Variants in SDK1 observed in about 807,000 individuals in gnomAD.
SDK1 encodes protein sidekick-1.
A neutral mutation model predicts 245.5 loss-of-function variants in SDK1; 157 were observed. The observed-to-expected ratio is 0.64, with a 90% CI of 0.56 to 0.73. SDK1 has a LOEUF of 0.73. Among genes scored for constraint, SDK1 ranks in the 30% least tolerant of loss-of-function variants. The probability of loss-of-function intolerance (pLI) is 0.00; values close to 1 mark genes in which losing one functional copy is unlikely to be tolerated. For missense variants in SDK1, 3,583 were observed against 3,002.3 expected (o/e 1.19, Z -4.52); for synonymous variants, 1,647 against 1,278.5 (o/e 1.29, Z -6.15).
intron 4 of SDK1, among the ~76,000 whole-genome samples, chr7:3,815,349 T>C (rs1250200562): frequency 8.3e-6 from 1 of 121,178 alleles, no homozygotes; most frequent in Non-Finnish European, 1.7e-5. Flanking sequence ...GTCAAAGGCT[T>C]TTTCTGCATC....
At chr7:3,405,207 G>A (rs1206801700) in intron 1 of SDK1, among the ~76,000 whole-genome samples, 1 of 152,064 alleles carries the variant, frequency 6.6e-6, no homozygotes, top group South Asian at 2.1e-4. Flanking sequence ...CTTAATCTTG[G>A]AATGCTTTTC....
At chr7:3,320,045 T>C (rs1389877755) in intron 1 of SDK1, among the ~76,000 whole-genome samples, 1 of 151,934 alleles carries the variant, frequency 6.6e-6, no homozygotes, top group Non-Finnish European at 1.5e-5. Context: ...AGAATCACAA[T>C]TCTTCTACAC....
Position 3,613,521 on chromosome 7 carries a change from A to T in SDK1, c.299-5559A>T, listed in dbSNP as rs1174967241. On this transcript the variant is annotated intron_variant, in intron 1 of 44. Coordinates refer to ENST00000404826, the MANE Select transcript of SDK1 (RefSeq NM_152744.4). ...TAACTGGTAGCTTATTTTGGTTTTG[A>T]TTTGCATTTCTCTAATGGTGGGAGT... Among the ~76,000 whole-genome samples, 8 of 152,006 alleles carry T rather than the reference A, an allele frequency of 5.3e-5. No individual in the cohort carries two copies. In the South Asian group the frequency reaches 1.7e-3, roughly 32 times the overall value.
intron 1 of SDK1, among the ~76,000 whole-genome samples, chr7:3,499,291 A>T (rs186691052): frequency 1.1e-3 from 172 of 152,346 alleles, no homozygotes; most frequent in Non-Finnish European, 2.1e-3. Context: ...ATGCCTTCTC[A>T]GGCACTAACT....
rs529627020 is a variant in SDK1, at chr7:4,079,511, G to C, written c.3251G>C (p.Arg1084Pro). 3 of 1,614,156 alleles carry C rather than the reference G, an allele frequency of 1.9e-6. No homozygotes were observed. Among genetic ancestry groups the C allele is most frequent in the Non-Finnish European group, 2.5e-6 (3 of 1,180,038 alleles). Residue 1084 changes from arginine (R) to proline (P), a missense_variant, in exon 22 of 45, where the codon CGC (arginine) becomes CCC (proline). Physicochemically the swap from Arg to Pro is moderately radical, Grantham distance 103. Transcript: ENST00000404826. ...CTGGTCATTTCCAACATCAGCCCTCGCTCCGCCACCCTTCAGTTCCGGCCA... is the reference window on the plus strand; with the variant it reads ...CTGGTCATTTCCAACATCAGCCCTCCCTCCGCCACCCTTCAGTTCCGGCCA... ...SNLVISNISP[R>P]SATLQFRPGY...
intron 43 of SDK1, among the ~76,000 whole-genome samples, chr7:4,242,920 C>G (rs868358699): frequency 3.9e-4 from 59 of 152,354 alleles, no homozygotes; most frequent in African/African-American, 1.3e-3. Flanking sequence ...CACTGACGCT[C>G]TGCCAGCCCC....
At position 4,161,767 on chromosome 7, in the gene SDK1, C is replaced by G; in HGVS notation, c.4730-19C>G. ...TAACAACCACCCTGACCCCCGCTTT[C>G]CTCTCCTGTGTGTTTCAGTTCCAGG... On this transcript the variant is annotated intron_variant, in intron 31 of 44. Transcript: ENST00000404826. The G allele has an allele frequency of 6.2e-7, 1 of 1,609,810 alleles. No homozygotes were observed. Among genetic ancestry groups the G allele is most frequent in the Non-Finnish European group, 8.5e-7 (1 of 1,176,422 alleles).
At chr7:4,179,316 T>A (rs2128219269) in intron 35 of SDK1, 1 of 152,232 alleles carries the variant, frequency 6.6e-6, no homozygotes, top group African/African-American at 2.4e-5. Flanking sequence ...AGGGTGTTGT[T>A]TCAGGCCCGG....
At chr7:3,333,740 G>C (rs1167071024) in intron 1 of SDK1, among the ~76,000 whole-genome samples, 1 of 152,140 alleles carries the variant, frequency 6.6e-6, no homozygotes. Flanking sequence ...TTCGATTATC[G>C]AGGACAGACT....
chr7:3,453,324 C>A (rs1189284101), intron 1 of SDK1, among the ~76,000 whole-genome samples: 1 of 152,166 alleles, frequency 6.6e-6, no homozygotes, highest in East Asian at 1.9e-4. Flanking sequence ...GAATAAGTTG[C>A]CCTGGTGGGC....
chr7:3,448,154 G>T (rs1018895144), intron 1 of SDK1, among the ~76,000 whole-genome samples: 1 of 152,102 alleles, frequency 6.6e-6, no homozygotes, highest in Non-Finnish European at 1.5e-5. Flanking sequence ...CTTGTATAAG[G>T]TTCATTTTAT....
intron 1 of SDK1, among the ~76,000 whole-genome samples, chr7:3,350,216 A>G (rs1273731493): frequency 6.6e-6 from 1 of 152,176 alleles, no homozygotes; most frequent in African/African-American, 2.4e-5. Flanking sequence ...CATAGGATGG[A>G]TGTGCCACAG....
At chr7:3,505,316 A>T (rs889320549) in intron 1 of SDK1, among the ~76,000 whole-genome samples, 2 of 152,112 alleles carry the variant, frequency 1.3e-5, no homozygotes, top group Admixed American at 6.6e-5. Context: ...GCATGATGAG[A>T]GGTAACTGCA....
chr7:3,501,329 C>G (rs567350514), intron 1 of SDK1, among the ~76,000 whole-genome samples: 9 of 151,698 alleles, frequency 5.9e-5, no homozygotes, highest in Admixed American at 5.9e-4. Flanking sequence ...CCTCTGTTTT[C>G]TCCAACTTGC....
intron 5 of SDK1, among the ~76,000 whole-genome samples, chr7:3,855,326 A>G (rs1780518684): frequency 6.6e-6 from 1 of 152,060 alleles, no homozygotes; most frequent in Non-Finnish European, 1.5e-5. Context: ...AAAAATACTT[A>G]TGCAAGGAAA....
chr7:3,556,139 A>G (rs1372426942), intron 1 of SDK1, among the ~76,000 whole-genome samples: 1 of 152,234 alleles, frequency 6.6e-6, no homozygotes, highest in Non-Finnish European at 1.5e-5. Context: ...AGCACTATTC[A>G]CAATAGCCAA....
chr7:4,118,331 A>G (rs981971882), intron 25 of SDK1, among the ~76,000 whole-genome samples: 10 of 152,254 alleles, frequency 6.6e-5, no homozygotes. Context: ...AACATGCTCA[A>G]CATCATTAAC....
intron 4 of SDK1, among the ~76,000 whole-genome samples, chr7:3,657,529 G>C (rs898267316): frequency 7.9e-5 from 12 of 152,188 alleles, no homozygotes; most frequent in African/African-American, 2.9e-4. Flanking sequence ...AAGAGGGACT[G>C]TGAGAGCCAG....
At chr7:3,805,917 C>G (rs1309340438) in intron 4 of SDK1, among the ~76,000 whole-genome samples, 1 of 152,160 alleles carries the variant, frequency 6.6e-6, no homozygotes, top group Non-Finnish European at 1.5e-5. Flanking sequence ...GCTGGCCTGG[C>G]TCCTTTGCCC....
Sources: allele counts gnomAD v4.1 joint callset (sites outside exome capture counted in the v4.1 genomes callset), GRCh38; gene constraint gnomAD v4.1.1; transcripts MANE v1.5; gene names NCBI Gene and HGNC (gene_info 2026-07-23, HGNC 2026-07-21).